EDN1: variants seen among roughly 807,000 people sequenced by gnomAD.
The protein encoded by EDN1 is endothelin-1.
A neutral mutation model predicts 21.7 loss-of-function variants in EDN1; 11 were observed. The observed-to-expected ratio is 0.51, with a 90% CI of 0.32 to 0.84. The LOEUF (loss-of-function observed/expected upper bound fraction) is 0.84, where lower values mean the gene tolerates loss of function less well. EDN1 is among the 40% of genes least tolerant of loss of function. EDN1 has a pLI of 0.03. For synonymous variants in EDN1, 85 were observed against 90.6 expected (o/e 0.94, Z 0.35); for missense variants, 244 against 262.3 (o/e 0.93, Z 0.48).
At chr6:12,258,448 T>TAAAAAAAAAAAAAAAAAAAAA in the EDN1 span, among the ~76,000 whole-genome samples, 3 of 27,734 alleles carry the variant, frequency 1.1e-4, 1 homozygote, top group African/African-American at 2.0e-4. Flanking sequence ...AGATCATGTC[T>TAAAAAAAAAAAAAAAAAAAAA]CAAAAAAAAA....
chr6:12,259,538 T>C, the EDN1 span, among the ~76,000 whole-genome samples: 9 of 151,930 alleles, frequency 5.9e-5, no homozygotes, highest in African/African-American at 2.2e-4. Context: ...CAGCAGAATT[T>C]ATTTTAGAGC....
upstream of EDN1, among the ~76,000 whole-genome samples, chr6:12,289,084 C>T (rs964343544): frequency 2.6e-5 from 4 of 152,134 alleles, no homozygotes; most frequent in Non-Finnish European, 5.9e-5. Context: ...CTTTTGCTTT[C>T]TTTATTAAGG....
the EDN1 span, among the ~76,000 whole-genome samples, chr6:12,231,494 T>A: frequency 2.6e-4 from 39 of 152,328 alleles, no homozygotes; most frequent in African/African-American, 7.7e-4. Flanking sequence ...TTAAACATTA[T>A]TTTTTTCTTC....
At chr6:12,257,206 T>C in the EDN1 span, among the ~76,000 whole-genome samples, 182 of 152,328 alleles carry the variant, frequency 1.2e-3, no homozygotes, top group African/African-American at 4.1e-3. Flanking sequence ...AAACTGACAA[T>C]TGAAGCAGTT....
chr6:12,283,396 T>C, the EDN1 span, among the ~76,000 whole-genome samples: 2 of 152,342 alleles, frequency 1.3e-5, no homozygotes, highest in Non-Finnish European at 2.9e-5. Flanking sequence ...AGAGAACTTT[T>C]CTAAAACGCT....
At chr6:12,248,464 T>C in the EDN1 span, among the ~76,000 whole-genome samples, 1 of 152,178 alleles carries the variant, frequency 6.6e-6, no homozygotes, top group Non-Finnish European at 1.5e-5. Context: ...AAATTCATGA[T>C]TCTGACATTC....
the EDN1 span, among the ~76,000 whole-genome samples, chr6:12,244,240 A>G: frequency 6.6e-6 from 1 of 152,218 alleles, no homozygotes; most frequent in Admixed American, 6.5e-5. Flanking sequence ...ATATTTTCCT[A>G]TGGATCTTTT....
chr6:12,277,339 G>C, the EDN1 span, among the ~76,000 whole-genome samples: 1 of 152,200 alleles, frequency 6.6e-6, no homozygotes, highest in African/African-American at 2.4e-5. Context: ...TAAAACAATA[G>C]TGAACATTTA....
At chr6:12,271,105 A>G in the EDN1 span, among the ~76,000 whole-genome samples, 1 of 150,940 alleles carries the variant, frequency 6.6e-6, no homozygotes, top group African/African-American at 2.4e-5. Context: ...GGCAACACAT[A>G]CTTGTTTTTT....
the EDN1 span, among the ~76,000 whole-genome samples, chr6:12,267,279 A>G: frequency 6.6e-6 from 1 of 152,154 alleles, no homozygotes; most frequent in East Asian, 1.9e-4. Flanking sequence ...GTGACCTGTG[A>G]TCAGTGATCT....
chr6:12,251,242 G>C, the EDN1 span, among the ~76,000 whole-genome samples: 1 of 152,176 alleles, frequency 6.6e-6, no homozygotes, highest in Non-Finnish European at 1.5e-5. Context: ...TTAACAGAAT[G>C]AAGAGATTAA....
At chr6:12,283,092 A>G in the EDN1 span, among the ~76,000 whole-genome samples, 3 of 152,342 alleles carry the variant, frequency 2.0e-5, no homozygotes, top group East Asian at 1.9e-4. Context: ...GCCAAATCAA[A>G]CAAAATCCTT....
chr6:12,262,189 C>G, the EDN1 span, among the ~76,000 whole-genome samples: 110 of 152,244 alleles, frequency 7.2e-4, no homozygotes, highest in Non-Finnish European at 1.2e-3. Context: ...TGAATAAACG[C>G]CTTGAAGGGA....
At chr6:12,283,220 G>C in the EDN1 span, among the ~76,000 whole-genome samples, 5,340 of 152,172 alleles carry the variant, frequency 0.035, 106 homozygotes, top group Middle Eastern at 0.058. Flanking sequence ...AAAATATACT[G>C]TTTCCCTTTT....
chr6:12,256,059 C>T, the EDN1 span, among the ~76,000 whole-genome samples: 58 of 152,168 alleles, frequency 3.8e-4, no homozygotes, highest in Non-Finnish European at 5.7e-4. Flanking sequence ...GGAAACAAGA[C>T]GGCTTGGCCA....
chr6:12,258,315 G>A, the EDN1 span, among the ~76,000 whole-genome samples: 27 of 151,274 alleles, frequency 1.8e-4, no homozygotes, highest in African/African-American at 6.3e-4. Context: ...CTGGTGTGGC[G>A]GTACATGCCT....
chr6:12,238,219 A>G, the EDN1 span, among the ~76,000 whole-genome samples: 1 of 151,520 alleles, frequency 6.6e-6, no homozygotes, highest in South Asian at 2.1e-4. Flanking sequence ...CAGAAAACCA[A>G]TTTAAGTCCG....
chr6:12,278,209 C>T, the EDN1 span, among the ~76,000 whole-genome samples: 20 of 152,290 alleles, frequency 1.3e-4, no homozygotes, highest in Middle Eastern at 6.8e-3. Flanking sequence ...AATTCATTCT[C>T]ATAGTGAACC....
Position 12,294,388 on chromosome 6 carries a change from C to T in EDN1, c.517C>T (p.His173Tyr). The change falls in exon 4 of 5, where the codon CAC becomes TAC. Residue 173 changes from histidine (H) to tyrosine (Y), a missense_variant. Physicochemically the swap from His to Tyr is moderately conservative, Grantham distance 83. Coordinates refer to ENST00000379375, the MANE Select transcript of EDN1 (RefSeq NM_001955.5). ...AAAAATCAGAAGAAGTTCAGAGGAA[C>T]ACCTAAGACAAACCAGGTAAGAGGG... ...GRKIRRSSEEHLRQTRSETMR... is the reference protein window; with the variant it reads ...GRKIRRSSEEYLRQTRSETMR... 1 of 1,614,090 alleles carries T rather than the reference C, an allele frequency of 6.2e-7. No homozygotes were observed. The highest frequency in any genetic ancestry group is 8.5e-7 in the Non-Finnish European group (1 of 1,180,012).
Sources: gnomAD v4.1 joint callset for allele counts (sites outside exome capture counted in the v4.1 genomes callset) on GRCh38, gnomAD v4.1.1 for gene constraint, MANE v1.5 for transcripts, NCBI Gene and HGNC (gene_info 2026-07-23, HGNC 2026-07-21) for gene names.